ZBTB20: variants seen among roughly 807,000 people sequenced by gnomAD.
The protein encoded by ZBTB20 is zinc finger and BTB domain containing 20, also known as zinc finger and BTB domain-containing protein 20.
Under a neutral mutation model 56.9 loss-of-function variants are expected in ZBTB20, and 9 were observed. The observed-to-expected ratio is 0.16, with a 90% CI of 0.10 to 0.28. ZBTB20 has a LOEUF of 0.28. Among genes scored for constraint, ZBTB20 ranks in the 10% least tolerant of loss-of-function variants. The probability of loss-of-function intolerance (pLI) is 1.00; values close to 1 mark genes in which losing one functional copy is unlikely to be tolerated. For missense variants in ZBTB20, 655 were observed against 1,003.0 expected (o/e 0.65, Z 4.69); for synonymous variants, 417 against 420.7 (o/e 0.99, Z 0.11).
chr3:114,647,553 A>T (rs1025819576), intron 6 of ZBTB20, among the ~76,000 whole-genome samples: 6 of 152,204 alleles, frequency 3.9e-5, no homozygotes, highest in Admixed American at 1.3e-4. Flanking sequence ...GTGAAAAAGC[A>T]TGAGTTTAGA....
intron 5 of ZBTB20, among the ~76,000 whole-genome samples, chr3:114,789,423 T>C (rs905114858): frequency 6.6e-5 from 10 of 152,128 alleles, no homozygotes; most frequent in African/African-American, 2.2e-4. Flanking sequence ...GCAACTAGAC[T>C]CCATCTTTTA....
intron 8 of ZBTB20, among the ~76,000 whole-genome samples, chr3:114,386,757 G>A (rs181969309): frequency 0.012 from 1,896 of 152,224 alleles, 12 homozygotes; most frequent in Non-Finnish European, 0.02. Flanking sequence ...GAATGGTTCT[G>A]GGGTTTTTTT....
At chr3:115,118,958 G>T (rs2084102749) in intron 1 of ZBTB20, among the ~76,000 whole-genome samples, 1 of 151,904 alleles carries the variant, frequency 6.6e-6, no homozygotes. Flanking sequence ...ATAAAATTTA[G>T]TATATTTTCT....
intron 2 of ZBTB20, among the ~76,000 whole-genome samples, chr3:115,011,868 G>C (rs918764362): frequency 7.2e-5 from 11 of 151,772 alleles, no homozygotes; most frequent in Non-Finnish European, 1.6e-4. Flanking sequence ...ACATAGTACA[G>C]TAAGATACAA....
Position 114,332,487 on chromosome 3 carries a change from A to T in ZBTB20, c.*6518T>A, listed in dbSNP as rs2079297549. On this transcript the variant is annotated 3_prime_UTR_variant, in exon 12 of 12. Coordinates refer to ENST00000675478, the MANE Select transcript of ZBTB20 (RefSeq NM_001348800.3). Reference sequence around the variant, plus strand: ...TGATGTCTATTTTACATTCAGCCCCAACCTACGTCACTGAAATAGAATAGG... The same window carrying T: ...TGATGTCTATTTTACATTCAGCCCCTACCTACGTCACTGAAATAGAATAGG... 6.6e-6 allele frequency: 1 copy of T among 152,212 alleles called. No individual in the cohort carries two copies. Among genetic ancestry groups the T allele is most frequent in the Non-Finnish European group, 1.5e-5 (1 of 68,036 alleles). The allele number at this position is 152,212 out of a possible 1,614,324, so 9.4% of individuals were successfully genotyped here. A position where few individuals can be genotyped will look rare whatever the true frequency, so the allele number is the denominator to read the frequency against.
At chr3:114,487,674 A>G (rs1419300364) in intron 7 of ZBTB20, among the ~76,000 whole-genome samples, 1 of 152,182 alleles carries the variant, frequency 6.6e-6, no homozygotes, top group African/African-American at 2.4e-5. Context: ...CTGTCCCAGA[A>G]CACAGGGAAG....
intron 3 of ZBTB20, among the ~76,000 whole-genome samples, chr3:114,927,847 C>A (rs1229936766): frequency 6.6e-6 from 1 of 152,150 alleles, no homozygotes; most frequent in Non-Finnish European, 1.5e-5. Flanking sequence ...TAACTTCAAA[C>A]AGCAAGGAAA....
At chr3:114,523,051 T>C (rs377278515) in intron 6 of ZBTB20, among the ~76,000 whole-genome samples, 6 of 152,210 alleles carry the variant, frequency 3.9e-5, no homozygotes, top group South Asian at 2.1e-4. Context: ...GGCCCTCTAA[T>C]GTTTACCTGC....
At chr3:114,370,735 G>A (rs1014358561) in intron 10 of ZBTB20, among the ~76,000 whole-genome samples, 1 of 152,112 alleles carries the variant, frequency 6.6e-6, no homozygotes, top group Admixed American at 6.5e-5. Flanking sequence ...CATTCCTGCT[G>A]TGCCCCAGGA....
At chr3:114,812,165 G>A (rs971653964) in intron 4 of ZBTB20, among the ~76,000 whole-genome samples, 1 of 152,136 alleles carries the variant, frequency 6.6e-6, no homozygotes, top group Non-Finnish European at 1.5e-5. Context: ...GACCCCAGCC[G>A]GTTGCCACTG....
At chr3:115,119,166 A>G (rs2084109439) in intron 1 of ZBTB20, among the ~76,000 whole-genome samples, 1 of 152,154 alleles carries the variant, frequency 6.6e-6, no homozygotes, top group South Asian at 2.1e-4. Flanking sequence ...TTTAAAAATC[A>G]TTTATTGATC....
At chr3:115,113,331 A>G (rs1015625109) in intron 1 of ZBTB20, among the ~76,000 whole-genome samples, 2 of 152,336 alleles carry the variant, frequency 1.3e-5, no homozygotes, top group East Asian at 3.9e-4. Context: ...GTTTGCATAT[A>G]ATTGATGGGT....
intron 5 of ZBTB20, among the ~76,000 whole-genome samples, chr3:114,733,194 G>A (rs558266797): frequency 1.2e-4 from 18 of 152,204 alleles, no homozygotes; most frequent in South Asian, 4.1e-4. Context: ...ACAGACTTAC[G>A]GGTTCTATGA....
chr3:114,865,692 C>T (rs1310957552), intron 4 of ZBTB20, among the ~76,000 whole-genome samples: 2 of 152,246 alleles, frequency 1.3e-5, no homozygotes, highest in African/African-American at 4.8e-5. Context: ...ATTTTTAGTG[C>T]TTCACTAGAT....
chr3:114,356,452 T>C (rs1190135078), intron 10 of ZBTB20, among the ~76,000 whole-genome samples: 1 of 152,124 alleles, frequency 6.6e-6, no homozygotes, highest in East Asian at 1.9e-4. Flanking sequence ...AGTGCAAGGG[T>C]AAGATGCTAC....
chr3:114,364,944 A>T (rs2082248471), intron 10 of ZBTB20, among the ~76,000 whole-genome samples: 1 of 152,120 alleles, frequency 6.6e-6, no homozygotes, highest in African/African-American at 2.4e-5. Context: ...TCGGTGGCTA[A>T]ACACCACACA....
chr3:114,970,698 T>A lies in ZBTB20; in HGVS notation c.-456+3668A>T, dbSNP rs552271921. 3.6e-3 allele frequency among the ~76,000 whole-genome samples: 543 copies of A among 152,312 alleles called. 3 individuals are homozygous for A. The highest frequency in any genetic ancestry group is 0.012 in the African/African-American group (516 of 41,560). On this transcript the variant is annotated intron_variant, in intron 3 of 11. Transcript: ENST00000675478. ...TAAGGTCACAATCAATTACTTGAGA[T>A]AGCAGAATAAAATACAGGCTTAAAA... is the stretch of plus-strand genomic sequence containing the variant.
At chr3:114,911,938 C>G (rs1413785111) in intron 3 of ZBTB20, among the ~76,000 whole-genome samples, 2 of 151,588 alleles carry the variant, frequency 1.3e-5, no homozygotes, top group African/African-American at 4.8e-5. Flanking sequence ...CAAGAGAGAT[C>G]CCAAACAGGA....
intron 5 of ZBTB20, among the ~76,000 whole-genome samples, chr3:114,778,953 C>A (rs56207528): frequency 6.6e-6 from 1 of 152,082 alleles, no homozygotes; most frequent in Non-Finnish European, 1.5e-5. Flanking sequence ...ATTCAAAGTA[C>A]CAGGAGGCTA....
Sources: allele counts gnomAD v4.1 joint callset (sites outside exome capture counted in the v4.1 genomes callset), GRCh38; gene constraint gnomAD v4.1.1; transcripts MANE v1.5; gene names NCBI Gene and HGNC (gene_info 2026-07-23, HGNC 2026-07-21).